The following TRAK1 variants were observed in gnomAD, a reference collection of about 807,000 sequenced individuals.
TRAK1 encodes trafficking kinesin protein 1.
A neutral mutation model predicts 92.1 loss-of-function variants in TRAK1; 33 were observed. The observed-to-expected ratio is 0.36, with a 90% CI of 0.27 to 0.48. The LOEUF (loss-of-function observed/expected upper bound fraction) is 0.48. Among genes scored for constraint, TRAK1 ranks in the 20% least tolerant of loss-of-function variants. TRAK1 has a pLI of 0.99. For missense variants in TRAK1, 1,123 were observed against 1,257.9 expected, an observed-to-expected ratio of 0.89 and a Z score of 1.62; for synonymous variants, 521 against 517.3, an observed-to-expected ratio of 1.01 and a Z score of -0.10.
At chr3:42,058,442 A>G (rs1301855901) in intron 1 of TRAK1, among the ~76,000 whole-genome samples, 3 of 151,858 alleles carry the variant, frequency 2.0e-5, no homozygotes, top group Non-Finnish European at 4.4e-5. Flanking sequence ...GGTTCAAGCA[A>G]TTCTCCTGCC....
chr3:42,149,476 G>C, intron 2 of TRAK1: 3 of 1,535,510 alleles, frequency 2.0e-6, no homozygotes, highest in Non-Finnish European at 1.7e-6. Context: ...GCATGGCAGC[G>C]TTTTACTTGA....
chr3:42,202,794 G>T lies in TRAK1; in HGVS notation c.1744+42G>T. ...TCGGCCCCTCTCTGTCCTCCTGGGG[G>T]ACTCCCTTTGGTCCCTGATCCACCT... On this transcript the variant is annotated intron_variant, in intron 13 of 15. Coordinates refer to ENST00000327628, the MANE Select transcript of TRAK1 (RefSeq NM_001042646.3). This position sits in a 1 kb window ranked among gnomAD's most constrained non-coding sequence, Gnocchi z 6.1. 6.2e-7 allele frequency: 1 copy of T among 1,607,556 alleles called. No homozygotes were observed. Among genetic ancestry groups the T allele is most frequent in the East Asian group, 2.2e-5 (1 of 44,664 alleles).
intron 1 of TRAK1, among the ~76,000 whole-genome samples, chr3:42,071,587 A>G (rs1385942236): frequency 6.6e-6 from 1 of 151,998 alleles, no homozygotes; most frequent in Non-Finnish European, 1.5e-5. Context: ...GGGCGCCTGT[A>G]ATTCCAGCTA....
At chr3:42,122,708 G>T (rs1221690679) in intron 1 of TRAK1, among the ~76,000 whole-genome samples, 4 of 152,142 alleles carry the variant, frequency 2.6e-5, no homozygotes. Flanking sequence ...TTGAGCCTTT[G>T]GATGGTGGTT....
At chr3:42,047,925 T>TC (rs1044576214) in intron 1 of TRAK1, among the ~76,000 whole-genome samples, 7 of 148,868 alleles carry the variant, frequency 4.7e-5, no homozygotes, top group African/African-American at 1.5e-4. Context: ...TTCTTTTCTT[T>TC]TTTTTTTTTT....
intron 2 of TRAK1, among the ~76,000 whole-genome samples, chr3:42,159,886 A>G (rs1157219867): frequency 2.0e-5 from 3 of 152,214 alleles, no homozygotes; most frequent in African/African-American, 7.2e-5. Flanking sequence ...TTCCTCCGCC[A>G]GCGCCCCACC....
intron 1 of TRAK1, among the ~76,000 whole-genome samples, chr3:42,099,275 G>A (rs1285755052): frequency 6.6e-6 from 1 of 152,040 alleles, no homozygotes; most frequent in Non-Finnish European, 1.5e-5. Flanking sequence ...TGGACGAGTG[G>A]GCATAGGCGG....
intron 1 of TRAK1, among the ~76,000 whole-genome samples, chr3:42,115,385 G>A (rs543831703): frequency 5.5e-4 from 84 of 152,152 alleles, no homozygotes; most frequent in African/African-American, 2.0e-3. Context: ...AGTGGAATGC[G>A]CCACATTCAG....
chr3:42,085,587 A>G (rs2148956028), upstream of TRAK1, among the ~76,000 whole-genome samples: 1 of 152,328 alleles, frequency 6.6e-6, no homozygotes, highest in African/African-American at 2.4e-5. Context: ...AAGGTCACAG[A>G]TTCAGGGCTG....
intron 2 of TRAK1, among the ~76,000 whole-genome samples, chr3:42,143,738 C>T (rs1427847664): frequency 6.6e-6 from 1 of 152,062 alleles, no homozygotes; most frequent in Non-Finnish European, 1.5e-5. Flanking sequence ...GCTTTTTCGG[C>T]TGCAGTAAAC....
intron 7 of TRAK1, 62 bp from the exon 8 acceptor site, chr3:42,193,013 T>G: frequency 1.3e-6 from 2 of 1,586,686 alleles, no homozygotes; most frequent in Non-Finnish European, 1.7e-6. Context: ...GAAACCATTC[T>G]CTCTGGGTCT....
In TRAK1 at chr3:42,217,691, G is replaced by T. The variant is rs112681201; in HGVS notation, c.1964-1803G>T. ...ATGTTATCTCTCTTTCAACTGTGTT[G>T]TCTTATTTCTATTTACTGCTTTCCC... On this transcript the variant is annotated intron_variant, in intron 14 of 15. Coordinates refer to ENST00000327628, the MANE Select transcript of TRAK1 (RefSeq NM_001042646.3). The T allele has an allele frequency of 9.4e-4, 924 of 985,316 alleles. 8 individuals carry two copies. The African/African-American group carries it at 0.015, about 16-fold the overall frequency. 61.0% of individuals were successfully genotyped at this position (985,316 alleles called of 1,614,324 possible). A position where few individuals can be genotyped will look rare whatever the true frequency, so the allele number is the denominator to read the frequency against.
At chr3:42,204,343 C>T (rs1708075154) in intron 13 of TRAK1, among the ~76,000 whole-genome samples, 1 of 152,144 alleles carries the variant, frequency 6.6e-6, no homozygotes, top group African/African-American at 2.4e-5. Flanking sequence ...CATGTTTTAG[C>T]CAGTTCATCT....
intron 2 of TRAK1, among the ~76,000 whole-genome samples, chr3:42,165,851 G>A (rs1466438758): frequency 6.6e-6 from 1 of 152,034 alleles, no homozygotes; most frequent in East Asian, 1.9e-4. Context: ...GCCTCCTGTG[G>A]GGTCAGTCTC....
chr3:42,202,933 C>A lies in TRAK1; in HGVS notation c.1744+181C>A. On this transcript the variant is annotated intron_variant, in intron 13 of 15. Transcript: ENST00000327628. This position sits in a 1 kb window ranked among gnomAD's most constrained non-coding sequence, Gnocchi z 6.1. ...TGCTCAGCCTAGGCCTCCGTCCCTC[C>A]CCTCTGGCTGGCAGGTGTGACAATG... The A allele has an allele frequency of 7.1e-7, 1 of 1,404,436 alleles. No individual in the cohort carries two copies. Among genetic ancestry groups the A allele is most frequent in the African/African-American group, 1.4e-5 (1 of 69,302 alleles). The allele number at this position is 1,404,436 out of a possible 1,614,324, so 87.0% of individuals were successfully genotyped here. A position where few individuals can be genotyped will look rare whatever the true frequency, so the allele number is the denominator to read the frequency against.
chr3:42,154,032 A>G (rs1271081019), intron 2 of TRAK1, among the ~76,000 whole-genome samples: 1 of 152,214 alleles, frequency 6.6e-6, no homozygotes. Flanking sequence ...ATCACTGGCT[A>G]TAGTAAAATA....
Position 42,223,513 on chromosome 3 carries a change from C to A in TRAK1, c.2638C>A (p.Pro880Thr), listed in dbSNP as rs374048059. 14 of 1,613,486 alleles carry A rather than the reference C, an allele frequency of 8.7e-6. No individual in the cohort carries two copies. The African/African-American group carries it at 1.7e-4, about 20-fold the overall frequency. The change falls in exon 16 of 16, where the codon CCA (proline) becomes ACA (threonine). Residue 880 changes from proline to threonine, a missense_variant. Transcript: ENST00000327628. This position sits in a 1 kb window ranked among gnomAD's most constrained non-coding sequence, Gnocchi z 6.1. ...ACCCCTCCTCTGTGGGCCCCCGGGG[C>A]CAGCACCAGCCCTTGTTCCCAGAGG... Reference protein sequence around the residue: ...QGPLLCGPPGPAPALVPRGLV... With the variant: ...QGPLLCGPPGTAPALVPRGLV...
At chr3:42,204,542 C>T (rs1260339743) in intron 13 of TRAK1, among the ~76,000 whole-genome samples, 1 of 152,148 alleles carries the variant, frequency 6.6e-6, no homozygotes, top group Admixed American at 6.6e-5. Context: ...GATACAGATT[C>T]TTTTGATTCC....
At chr3:42,195,037 A>G in intron 10 of TRAK1, 96 bp downstream of exon 10, 1 of 1,472,952 alleles carries the variant, frequency 6.8e-7, no homozygotes, top group South Asian at 1.3e-5. Flanking sequence ...GGGTGTTCAC[A>G]GTTCGCTTCT....
Sources: gnomAD v4.1 joint callset for allele counts (sites outside exome capture counted in the v4.1 genomes callset) on GRCh38, gnomAD v4.1.1 for gene constraint, Gnocchi (gnomAD v3.1) non-coding constraint, MANE v1.5 for transcripts, NCBI Gene and HGNC (gene_info 2026-07-23, HGNC 2026-07-21) for gene names.